Variants in GPHN observed in about 807,000 individuals in gnomAD.
GPHN encodes gephyrin.
Under a neutral mutation model 95.5 loss-of-function variants are expected in GPHN, and 17 were observed. The ratio of observed to expected loss-of-function variants is 0.18; its 90% CI spans 0.12 to 0.27. GPHN has a LOEUF of 0.27. GPHN is among the 10% of genes least tolerant of loss of function. GPHN has a pLI of 1.00. For synonymous variants in GPHN, 320 were observed against 322.5 expected (o/e 0.99, Z 0.08); for missense variants, 660 against 978.1 (o/e 0.67, Z 4.34).
chr14:66,704,083 A>G (rs113831053), intron 2 of GPHN, among the ~76,000 whole-genome samples: 3 of 152,204 alleles, frequency 2.0e-5, no homozygotes, highest in South Asian at 2.1e-4. Context: ...AGGGCATTAC[A>G]TAATGGTAAA....
At chr14:67,610,387 G>A in the GPHN span, among the ~76,000 whole-genome samples, 2 of 152,158 alleles carry the variant, frequency 1.3e-5, no homozygotes, top group African/African-American at 4.8e-5. Context: ...GCCCCTCCTT[G>A]TTCGGAGATC....
At chr14:66,817,428 T>C (rs2061018731) in intron 3 of GPHN, among the ~76,000 whole-genome samples, 1 of 152,248 alleles carries the variant, frequency 6.6e-6, no homozygotes. Context: ...ACTAATGAAA[T>C]ATAAATTGGA....
Position 66,614,949 on chromosome 14 carries a change from G to C in GPHN, c.65-66158G>C, listed in dbSNP as rs147547794. On this transcript the variant is annotated intron_variant, in intron 1 of 22. Coordinates refer to ENST00000478722, the MANE Select transcript of GPHN (RefSeq NM_020806.5). ...TTCTCACTGTTCAACTCCCACTTAT[G>C]AGTGAGAACGTGCAGTGTTTGGTTT... Among the ~76,000 whole-genome samples, 116 of 152,226 alleles carry C rather than the reference G, an allele frequency of 7.6e-4. 2 individuals carry two copies. The highest frequency in any genetic ancestry group is 3.7e-3 in the East Asian group (19 of 5,178).
chr14:66,935,703 T>C (rs1298121811), intron 8 of GPHN, among the ~76,000 whole-genome samples: 1 of 151,732 alleles, frequency 6.6e-6, no homozygotes, highest in Non-Finnish European at 1.5e-5. Flanking sequence ...CATGTATACG[T>C]ATACATGTGT....
intron 22 of GPHN, 56 bp downstream of exon 22, chr14:67,179,730 C>T (rs2140197130): frequency 1.1e-6 from 1 of 892,730 alleles, no homozygotes; most frequent in Non-Finnish European, 1.9e-6. Context: ...AAAACACAAA[C>T]TTATATATAA....
At chr14:67,593,735 ATACT>A in the GPHN span, 1 of 1,573,430 alleles carries the variant, frequency 6.4e-7, no homozygotes, top group African/African-American at 1.3e-5. Flanking sequence ...TACCTTTTAA[ATACT>A]TACCATGTAA....
the GPHN span, chr14:67,653,301 G>A: frequency 6.2e-6 from 4 of 643,012 alleles, no homozygotes; most frequent in Non-Finnish European, 1.1e-5. Flanking sequence ...CTGGTCTGCT[G>A]GGTGGTACTG....
At chr14:66,845,851 G>GTGTGTGTGTGTC (rs1567012768) in intron 4 of GPHN, among the ~76,000 whole-genome samples, 8 of 150,974 alleles carry the variant, frequency 5.3e-5, no homozygotes, top group African/African-American at 1.7e-4. Flanking sequence ...GTGTGTGTGT[G>GTGTGTGTGTGTC]TGTGTGTGTC....
At chr14:66,764,927 A>G (rs183154078) in intron 2 of GPHN, among the ~76,000 whole-genome samples, 1 of 152,306 alleles carries the variant, frequency 6.6e-6, no homozygotes, top group East Asian at 1.9e-4. Flanking sequence ...GAAGATAATC[A>G]TATTTAATAG....
the GPHN span, chr14:67,592,768 ATTC>A: frequency 8.9e-7 from 1 of 1,117,776 alleles, no homozygotes; most frequent in South Asian, 1.3e-5. Context: ...CTCATTTTGC[ATTC>A]TTTTTTTCTT....
the GPHN span, among the ~76,000 whole-genome samples, chr14:67,425,586 T>G: frequency 1.3e-5 from 2 of 152,162 alleles, no homozygotes; most frequent in African/African-American, 4.8e-5. Context: ...ATTCTTAGTA[T>G]GAGCTAAACT....
chr14:67,129,563 T>C (rs981387110), intron 17 of GPHN, among the ~76,000 whole-genome samples: 1 of 152,184 alleles, frequency 6.6e-6, no homozygotes, highest in Non-Finnish European at 1.5e-5. Flanking sequence ...GACTTGAAAA[T>C]TTAGCCATAG....
chr14:66,715,516 C>A (rs1365974042), intron 2 of GPHN, among the ~76,000 whole-genome samples: 1 of 151,960 alleles, frequency 6.6e-6, no homozygotes, highest in East Asian at 1.9e-4. Flanking sequence ...CTTTCTTCTG[C>A]TGGTTTTAGG....
At chr14:67,261,853 CAG>C in the GPHN span, among the ~76,000 whole-genome samples, 1 of 152,012 alleles carries the variant, frequency 6.6e-6, no homozygotes. Context: ...GCATATGTAA[CAG>C]TGAAATTAAT....
At chr14:66,531,478 A>C (rs2058936728) in intron 1 of GPHN, among the ~76,000 whole-genome samples, 1 of 152,188 alleles carries the variant, frequency 6.6e-6, no homozygotes, top group African/African-American at 2.4e-5. Flanking sequence ...CATCACAATG[A>C]AACATTCATT....
chr14:67,156,910 C>A (rs1486329817), intron 18 of GPHN, among the ~76,000 whole-genome samples: 2 of 149,266 alleles, frequency 1.3e-5, no homozygotes, highest in Non-Finnish European at 3.0e-5. Flanking sequence ...CAGAGGTTGC[C>A]AACGTGAGCC....
intron 17 of GPHN, among the ~76,000 whole-genome samples, chr14:67,137,757 C>A (rs1002271699): frequency 1.3e-5 from 2 of 151,446 alleles, no homozygotes; most frequent in African/African-American, 4.9e-5. Flanking sequence ...AGAGTGAGAC[C>A]CTGTCTCAAA....
the GPHN span, among the ~76,000 whole-genome samples, chr14:67,554,725 G>A: frequency 4.6e-5 from 7 of 152,178 alleles, no homozygotes; most frequent in Admixed American, 1.3e-4. Context: ...AAGCTGCAAA[G>A]AGATGCCATG....
chr14:66,776,479 A>T lies in GPHN; in HGVS notation c.159A>T (p.Ile53=). Residue 53 remains isoleucine (I), a synonymous_variant, in exon 3 of 23, where the codon ATA becomes ATT. Transcript: ENST00000478722. ...CTAATTTCAGGTTGGGTGGGACTAT[A>T]TCAGCATACAAGATAGTACCAGATG... ...VQDPSLLGGT[I]SAYKIVPDEI... 6.4e-7 allele frequency: 1 copy of T among 1,570,922 alleles called. No homozygotes were observed. The highest frequency in any genetic ancestry group is 8.8e-7 in the Non-Finnish European group (1 of 1,142,412).
Sources: allele counts gnomAD v4.1 joint callset (sites outside exome capture counted in the v4.1 genomes callset), GRCh38; gene constraint gnomAD v4.1.1; transcripts MANE v1.5; gene names NCBI Gene and HGNC (gene_info 2026-07-23, HGNC 2026-07-21).